Variants in IL22RA2 observed in about 807,000 individuals in gnomAD.
IL22RA2 encodes the protein interleukin 22 receptor subunit alpha 2, also known as interleukin-22 receptor subunit alpha-2.
IL22RA2 carries 39 observed loss-of-function variants against 30.7 expected under a neutral mutation model. The observed-to-expected ratio is 1.27, with a 90% CI of 0.98 to 1.66. The LOEUF (loss-of-function observed/expected upper bound fraction) is 1.66, where lower values mean the gene tolerates loss of function less well. Ranked by LOEUF, IL22RA2 falls within the 40% of genes most tolerant of loss-of-function variation. The pLI is 0.00. For synonymous variants in IL22RA2, 103 were observed against 105.0 expected (o/e 0.98, Z 0.11); for missense variants, 315 against 312.7 (o/e 1.01, Z -0.05).
chr6:137,145,861 G>A (rs1464421525), intron 6 of IL22RA2, 88 bp from the exon 7 acceptor site: 22 of 1,352,352 alleles, frequency 1.6e-5, no homozygotes, highest in African/African-American at 2.9e-5. Context: ...AGTTGTACAT[G>A]GTCACAGCAG....
chr6:137,172,282 G>T (rs929773081), intron 1 of IL22RA2, among the ~76,000 whole-genome samples: 3 of 152,206 alleles, frequency 2.0e-5, no homozygotes, highest in African/African-American at 7.2e-5. Flanking sequence ...TCAAACAAAT[G>T]AGGGGAAATT....
chr6:137,147,723 T>A lies in IL22RA2; in HGVS notation c.641A>T (p.Lys214Met), dbSNP rs1316238508. Residue 214 changes from lysine (K) to methionine (M), a missense_variant and splice_region_variant, in exon 6 of 7, where the codon AAG becomes ATG. Transcript: ENST00000296980. The part of the protein sequence containing the change: ...RVFIINNSLE[K>M]EQKVYEGAHR... ...ATATATCTATTCATCTGAACTTACC[T>A]TTTCTAGTGAATTGTTAATTATAAA... 15 of 1,533,162 alleles carry A rather than the reference T, an allele frequency of 9.8e-6. No homozygotes were observed. Among genetic ancestry groups the A allele is most frequent in the Admixed American group, 1.9e-5 (1 of 52,324 alleles). 95.0% of individuals were successfully genotyped at this position (1,533,162 alleles called of 1,614,324 possible).
chr6:137,170,766 T>C (rs1778717919), intron 1 of IL22RA2, among the ~76,000 whole-genome samples: 1 of 151,748 alleles, frequency 6.6e-6, no homozygotes, highest in Non-Finnish European at 1.5e-5. Flanking sequence ...GCCTGCGTGA[T>C]TCAGAAGGGA....
chr6:137,172,521 G>C (rs1582615416), intron 1 of IL22RA2, among the ~76,000 whole-genome samples: 1 of 152,356 alleles, frequency 6.6e-6, no homozygotes. Context: ...AGAAGAATTT[G>C]TACAGAATTG....
chr6:137,155,375 G>GGAAGTCTAAT (rs1778382339), intron 4 of IL22RA2, among the ~76,000 whole-genome samples: 1 of 151,954 alleles, frequency 6.6e-6, no homozygotes, highest in African/African-American at 2.4e-5. Context: ...TTGGAGGCTA[G>GGAAGTCTAAT]GAAGTCTAAT....
Position 137,144,753 on chromosome 6 carries a change from G to C in IL22RA2, c.*871C>G, listed in dbSNP as rs1284135329. 1 of 152,170 alleles carries C rather than the reference G, an allele frequency of 6.6e-6. No individual in the cohort carries two copies. The highest frequency in any genetic ancestry group is 1.5e-5 in the Non-Finnish European group (1 of 68,034). The allele number at this position is 152,170 out of a possible 1,614,324, so 9.4% of individuals were successfully genotyped here. The stretch of plus-strand genomic sequence containing the variant: ...ATCCTCCTATATAGAGATGAGGAAG[G>C]CGCCACAAGCAAGACACTCTTGGCC... On this transcript the variant is annotated 3_prime_UTR_variant, in exon 7 of 7. Transcript: ENST00000296980.
chr6:137,170,365 A>C (rs1328685143), intron 1 of IL22RA2, among the ~76,000 whole-genome samples: 1 of 152,150 alleles, frequency 6.6e-6, no homozygotes, highest in Non-Finnish European at 1.5e-5. Context: ...TTCACGTTAA[A>C]AGGGAATATT....
Position 137,145,552 on chromosome 6 carries a change from C to T in IL22RA2, c.*72G>A. The T allele has an allele frequency of 1.4e-6, 2 of 1,388,748 alleles. No individual in the cohort carries two copies. Among genetic ancestry groups the T allele is most frequent in the Non-Finnish European group, 2.0e-6 (2 of 1,020,238 alleles). 86.0% of individuals were successfully genotyped at this position (1,388,748 alleles called of 1,614,324 possible). A position where few individuals can be genotyped will look rare whatever the true frequency, so the allele number is the denominator to read the frequency against. ...TACAAAAACAATTTTAAATAAGATC[C>T]TTCAAACACGAGTCATCCTGTTCTC... is the stretch of plus-strand genomic sequence containing the variant. On this transcript the variant is annotated 3_prime_UTR_variant, in exon 7 of 7. Coordinates refer to ENST00000296980, the MANE Select transcript of IL22RA2 (RefSeq NM_052962.3).
chr6:137,173,561 T>C lies in IL22RA2; in HGVS notation c.-214A>G, dbSNP rs1271736309. ...CTAGGAGATTGGTATTATTATTCAT[T>C]TGATGTTACAGATGAAGAAACTGAG... is the stretch of plus-strand genomic sequence containing the variant. On this transcript the variant is annotated 5_prime_UTR_variant, in exon 1 of 7. Coordinates refer to ENST00000296980, the MANE Select transcript of IL22RA2 (RefSeq NM_052962.3). The C allele has an allele frequency of 2.0e-5, 3 of 152,214 alleles. No individual in the cohort carries two copies. The highest frequency in any genetic ancestry group is 7.2e-5 in the African/African-American group (3 of 41,458). The allele number at this position is 152,214 out of a possible 1,614,324, so 9.4% of individuals were successfully genotyped here.
At chr6:137,170,425 A>G (rs547738578) in intron 1 of IL22RA2, among the ~76,000 whole-genome samples, 3 of 152,122 alleles carry the variant, frequency 2.0e-5, no homozygotes, top group Admixed American at 6.5e-5. Context: ...ATACTCCCCA[A>G]CTCCACATTC....
At chr6:137,167,682 C>T (rs990894887) in intron 1 of IL22RA2, among the ~76,000 whole-genome samples, 18 of 152,128 alleles carry the variant, frequency 1.2e-4, no homozygotes, top group Admixed American at 8.5e-4. Flanking sequence ...TCATCATAGC[C>T]GGCTGAAACC....
chr6:137,164,136 C>T (rs374209070), intron 1 of IL22RA2, among the ~76,000 whole-genome samples: 2 of 152,064 alleles, frequency 1.3e-5, no homozygotes, highest in East Asian at 1.9e-4. Flanking sequence ...CACTGGAGTG[C>T]GTGCTGAAAA....
intron 1 of IL22RA2, among the ~76,000 whole-genome samples, chr6:137,170,537 C>T (rs533420763): frequency 2.0e-5 from 3 of 152,126 alleles, no homozygotes; most frequent in Admixed American, 6.5e-5. Flanking sequence ...ATGTAACAAA[C>T]GTTGTAATAC....
intron 1 of IL22RA2, among the ~76,000 whole-genome samples, chr6:137,171,057 AG>A (rs1206816129): frequency 7.9e-5 from 12 of 152,212 alleles, no homozygotes; most frequent in African/African-American, 2.9e-4. Flanking sequence ...TCTCTTGTAT[AG>A]TCTCTTTCAA....
At chr6:137,151,575 A>T (rs1778292050) in intron 5 of IL22RA2, among the ~76,000 whole-genome samples, 1 of 152,230 alleles carries the variant, frequency 6.6e-6, no homozygotes, top group South Asian at 2.1e-4. Flanking sequence ...CAAGTTTAAA[A>T]CTTGGTGTCA....
intron 1 of IL22RA2, among the ~76,000 whole-genome samples, chr6:137,164,962 A>T (rs754813145): frequency 6.7e-6 from 1 of 149,248 alleles, no homozygotes; most frequent in Admixed American, 6.6e-5. Flanking sequence ...GTTGATTGTA[A>T]ACATTTTTTT....
At chr6:137,163,511 C>G (rs541449201) in intron 1 of IL22RA2, among the ~76,000 whole-genome samples, 2 of 152,318 alleles carry the variant, frequency 1.3e-5, no homozygotes, top group Non-Finnish European at 2.9e-5. Context: ...CTTCCACGTT[C>G]TGGAGCCTTC....
At chr6:137,148,697 G>A (rs1778228190) in intron 5 of IL22RA2, among the ~76,000 whole-genome samples, 1 of 152,212 alleles carries the variant, frequency 6.6e-6, no homozygotes, top group Admixed American at 6.5e-5. Context: ...TTTAGAAGAA[G>A]AGAGTTTCCT....
At chr6:137,158,185 C>T (rs1417206652) in intron 3 of IL22RA2, among the ~76,000 whole-genome samples, 162 bp downstream of exon 3, 1 of 152,136 alleles carries the variant, frequency 6.6e-6, no homozygotes. Flanking sequence ...TTTGAGTCCC[C>T]AGGCAGCCTT....
Sources: gnomAD v4.1 joint callset for allele counts (sites outside exome capture counted in the v4.1 genomes callset) on GRCh38, gnomAD v4.1.1 for gene constraint, MANE v1.5 for transcripts, NCBI Gene and HGNC (gene_info 2026-07-23, HGNC 2026-07-21) for gene names.